The following LPAR1 variants were observed in gnomAD, a reference collection of about 807,000 sequenced individuals.
LPAR1 encodes LPA receptor 1.
LPAR1 carries 5 observed loss-of-function variants against 23.8 expected under a neutral mutation model. The ratio of observed to expected loss-of-function variants is 0.21; its 90% CI spans 0.11 to 0.44. The LOEUF (loss-of-function observed/expected upper bound fraction) is 0.44. Among genes scored for constraint, LPAR1 ranks in the 20% least tolerant of loss-of-function variants. The probability of loss-of-function intolerance (pLI) is 0.99; values close to 1 mark genes in which losing one functional copy is unlikely to be tolerated. For synonymous variants in LPAR1, 160 were observed against 164.7 expected (o/e 0.97, Z 0.22); for missense variants, 311 against 482.8 (o/e 0.64, Z 3.33).
intron 5 of LPAR1, among the ~76,000 whole-genome samples, chr9:110,925,443 T>C (rs1049011161): frequency 2.0e-5 from 3 of 152,152 alleles, no homozygotes; most frequent in Non-Finnish European, 4.4e-5. Context: ...ATAATCCTGA[T>C]AGATGACAGT....
At chr9:110,994,229 A>G (rs2096951775) in intron 2 of LPAR1, among the ~76,000 whole-genome samples, 1 of 152,212 alleles carries the variant, frequency 6.6e-6, no homozygotes, top group Admixed American at 6.5e-5. Flanking sequence ...AAACCCACTG[A>G]GGAACATTCT....
chr9:110,948,838 A>G (rs1429818753), intron 4 of LPAR1, among the ~76,000 whole-genome samples: 1 of 151,940 alleles, frequency 6.6e-6, no homozygotes, highest in Non-Finnish European at 1.5e-5. Context: ...TGACTGAGGC[A>G]GTGAGTTGGA....
At chr9:110,948,617 A>C (rs539728557) in intron 4 of LPAR1, among the ~76,000 whole-genome samples, 1 of 152,334 alleles carries the variant, frequency 6.6e-6, no homozygotes, top group East Asian at 1.9e-4. Context: ...TCCAAAGAGA[A>C]TTCTGTGTCA....
chr9:111,037,688 G>A (rs1349705809), intron 1 of LPAR1, among the ~76,000 whole-genome samples: 1 of 152,222 alleles, frequency 6.6e-6, no homozygotes, highest in Non-Finnish European at 1.5e-5. Flanking sequence ...CGGAGCCCCA[G>A]GGGCGCAGGG....
chr9:110,903,859 T>G (rs1237994957), intron 5 of LPAR1, among the ~76,000 whole-genome samples: 1 of 130,244 alleles, frequency 7.7e-6, no homozygotes, highest in African/African-American at 3.0e-5. Flanking sequence ...CATTTCATAA[T>G]TAAAATTTTG....
At chr9:110,906,124 C>T (rs1407559289) in intron 5 of LPAR1, among the ~76,000 whole-genome samples, 12 of 152,106 alleles carry the variant, frequency 7.9e-5, no homozygotes, top group East Asian at 1.9e-4. Context: ...CACAAAAATA[C>T]GTCAAGTTCT....
At chr9:110,922,073 C>G (rs1319527457) in intron 5 of LPAR1, among the ~76,000 whole-genome samples, 1 of 151,994 alleles carries the variant, frequency 6.6e-6, no homozygotes, top group African/African-American at 2.4e-5. Context: ...GAGCTGGAAC[C>G]AAGAAATAAA....
intron 4 of LPAR1, among the ~76,000 whole-genome samples, chr9:110,954,519 T>G (rs2095670962): frequency 6.6e-6 from 1 of 151,862 alleles, no homozygotes; most frequent in African/African-American, 2.4e-5. Flanking sequence ...CAGCACATAA[T>G]AATCAAACTA....
At chr9:110,890,791 A>G (rs1384285141) in intron 5 of LPAR1, among the ~76,000 whole-genome samples, 1 of 152,244 alleles carries the variant, frequency 6.6e-6, no homozygotes, top group East Asian at 1.9e-4. Context: ...AAATCTCTTA[A>G]TGCAATTCAC....
chr9:110,901,534 G>A (rs2088979590), intron 5 of LPAR1, among the ~76,000 whole-genome samples: 1 of 152,200 alleles, frequency 6.6e-6, no homozygotes, highest in Non-Finnish European at 1.5e-5. Flanking sequence ...CAGCAGGCAA[G>A]AGAGAGTGTG....
chr9:110,914,400 G>T (rs2092818268), intron 5 of LPAR1, among the ~76,000 whole-genome samples: 1 of 152,130 alleles, frequency 6.6e-6, no homozygotes, highest in Non-Finnish European at 1.5e-5. Flanking sequence ...CAAGTGAAAG[G>T]GGTTTCCCCC....
intron 2 of LPAR1, among the ~76,000 whole-genome samples, chr9:111,031,455 A>G (rs2097793945): frequency 6.6e-6 from 1 of 151,430 alleles, no homozygotes; most frequent in Non-Finnish European, 1.5e-5. Flanking sequence ...AAAGAAAAAG[A>G]AAAAAAATAG....
chr9:111,027,258 A>G (rs1264997260), intron 2 of LPAR1, among the ~76,000 whole-genome samples: 2 of 152,156 alleles, frequency 1.3e-5, no homozygotes, highest in Non-Finnish European at 1.5e-5. Flanking sequence ...TGCAATCCCA[A>G]CAGTTTGGGA....
intron 2 of LPAR1, among the ~76,000 whole-genome samples, chr9:111,014,554 A>G (rs2097400519): frequency 6.6e-6 from 1 of 152,206 alleles, no homozygotes; most frequent in South Asian, 2.1e-4. Flanking sequence ...ACCTTGGATC[A>G]CATTAGAATG....
At chr9:111,023,050 CAACAAAAA>C (rs1329819492) in intron 2 of LPAR1, among the ~76,000 whole-genome samples, 22 of 104,786 alleles carry the variant, frequency 2.1e-4, no homozygotes, top group Non-Finnish European at 3.9e-4. Context: ...GACTCCGTCT[CAACAAAAA>C]AAAAAAAAAA....
intron 5 of LPAR1, among the ~76,000 whole-genome samples, chr9:110,936,171 T>C (rs1413423574): frequency 5.9e-5 from 9 of 152,182 alleles, no homozygotes; most frequent in Admixed American, 5.9e-4. Context: ...TTTTTTAGTC[T>C]CCTCTACTAC....
At chr9:110,986,736 TAAGTA>T (rs1447257222) in intron 2 of LPAR1, among the ~76,000 whole-genome samples, 1 of 151,238 alleles carries the variant, frequency 6.6e-6, no homozygotes, top group East Asian at 1.9e-4. Flanking sequence ...GTGGCTGTGG[TAAGTA>T]AAGTGATTCA....
chr9:111,016,063 A>G (rs1027161049), intron 2 of LPAR1, among the ~76,000 whole-genome samples: 2 of 152,120 alleles, frequency 1.3e-5, no homozygotes, highest in African/African-American at 4.8e-5. Flanking sequence ...TTGCATATGC[A>G]CTTGGCTTTT....
At chr9:110,999,040 T>C (rs2097078149) in intron 2 of LPAR1, among the ~76,000 whole-genome samples, 1 of 152,164 alleles carries the variant, frequency 6.6e-6, no homozygotes, top group Non-Finnish European at 1.5e-5. Flanking sequence ...TTTAAAATCT[T>C]CGTGATCAGT....
Sources: allele counts gnomAD v4.1 joint callset (sites outside exome capture counted in the v4.1 genomes callset), GRCh38; gene constraint gnomAD v4.1.1; transcripts MANE v1.5; gene names NCBI Gene and HGNC (gene_info 2026-07-23, HGNC 2026-07-21).